The following HBP1 variants were observed in gnomAD, a reference collection of about 807,000 sequenced individuals.
The protein encoded by HBP1 is HMG box-containing protein 1.
A neutral mutation model predicts 62.6 loss-of-function variants in HBP1; 20 were observed. The observed-to-expected ratio is 0.32, with a 90% CI of 0.22 to 0.46. HBP1 has a LOEUF of 0.46. HBP1 is among the 20% of genes least tolerant of loss of function. The pLI is 1.00. For synonymous variants in HBP1, 232 were observed against 206.2 expected, an observed-to-expected ratio of 1.12 and a Z score of -1.07; for missense variants, 480 against 611.8, an observed-to-expected ratio of 0.78 and a Z score of 2.27.
chr7:107,173,509 C>T (rs1413083013), intron 1 of HBP1: 2 of 152,188 alleles, frequency 1.3e-5, no homozygotes, highest in African/African-American at 4.8e-5. Context: ...GTCCTGTTTT[C>T]CTCATCCATA....
At chr7:107,186,153 TTTCTTTTTTTTTC>T (rs1483031734) in intron 4 of HBP1, among the ~76,000 whole-genome samples, 195 bp from the exon 5 acceptor site, 211 of 144,114 alleles carry the variant, frequency 1.5e-3, no homozygotes, top group African/African-American at 5.2e-3. Context: ...GTGTCTTTTT[TTTCTTTTTTTTTC>T]TTTTTTTTTT....
chr7:107,181,593 C>G (rs1380609679), intron 2 of HBP1, among the ~76,000 whole-genome samples: 1 of 150,288 alleles, frequency 6.7e-6, no homozygotes, highest in Non-Finnish European at 1.5e-5. Flanking sequence ...TAGAAATTTT[C>G]TTGACTTGTA....
chr7:107,174,053 A>G (rs1396944011), intron 1 of HBP1, among the ~76,000 whole-genome samples: 1 of 152,206 alleles, frequency 6.6e-6, no homozygotes, highest in Non-Finnish European at 1.5e-5. Flanking sequence ...CTTTCTTCAG[A>G]ATAGTTGAGA....
At chr7:107,171,860 C>CAAAAAAAAAAAAAAAAAAAAAAAA in intron 1 of HBP1, among the ~76,000 whole-genome samples, 1 of 63,928 alleles carries the variant, frequency 1.6e-5, no homozygotes, top group Non-Finnish European at 2.9e-5. Flanking sequence ...ACTTCCTCTC[C>CAAAAAAAAAAAAAAAAAAAAAAAA]AAAAAAAAAA....
At chr7:107,176,293 G>C (rs1796848412) in intron 1 of HBP1, among the ~76,000 whole-genome samples, 1 of 152,112 alleles carries the variant, frequency 6.6e-6, no homozygotes, top group Admixed American at 6.5e-5. Flanking sequence ...CAAAGTGCTG[G>C]GATTACAGGC....
At chr7:107,187,829 A>C (rs921082097) in intron 6 of HBP1, among the ~76,000 whole-genome samples, 3 of 152,234 alleles carry the variant, frequency 2.0e-5, no homozygotes, top group African/African-American at 7.2e-5. Context: ...GTAGCATGGC[A>C]GCATCCTGAT....
rs1440024081 is a variant in HBP1 at position 107,202,380 on chromosome 7, A to C, written c.*949A>C. ...AGCTACAATCATGGCTTTTCATGTT[A>C]CTTACCAAGTGGTGTTTCTGGTTAG... is the stretch of plus-strand genomic sequence containing the variant. On this transcript the variant is annotated 3_prime_UTR_variant, in exon 11 of 11. Transcript: ENST00000222574. 6.6e-6 allele frequency: 1 copy of C among 152,658 alleles called. No individual in the cohort carries two copies. The highest frequency in any genetic ancestry group is 1.5e-5 in the Non-Finnish European group (1 of 68,052). 9.5% of individuals were successfully genotyped at this position (152,658 alleles called of 1,614,324 possible).
Position 107,185,847 on chromosome 7 carries a change from T to C in HBP1, c.445T>C (p.Tyr149His). 12 of 1,613,112 alleles carry C rather than the reference T, an allele frequency of 7.4e-6. No homozygotes were observed. The highest frequency in any genetic ancestry group is 3.4e-6 in the Non-Finnish European group (4 of 1,179,034). The change falls in exon 4 of 11, where the codon TAT becomes CAT. Residue 149 changes from tyrosine (Y) to histidine (H), a missense_variant. By Grantham distance (83) the Tyr-to-His change is moderately conservative. Coordinates refer to ENST00000222574, the MANE Select transcript of HBP1 (RefSeq NM_012257.4). ...IIATSKSLHS[Y>H]ARPPPVSSSS... ...AGCCACTAGCAAAAGTTTACATTCC[T>C]ATGCACGCCCTCCACCAGTGTCCTC...
chr7:107,193,283 A>G (rs1330785620), intron 8 of HBP1: 2 of 152,166 alleles, frequency 1.3e-5, no homozygotes, highest in African/African-American at 2.4e-5. Context: ...CTATTTGTAG[A>G]TTATATCCTC....
Position 107,188,818 on chromosome 7 carries a change from C to G in HBP1, c.766-474C>G, listed in dbSNP as rs1209694310. ...GATTGATTTCCCAATACCTTCTAAG[C>G]AAAAATTGTCAGTACTTTGCCTGTC... is the stretch of plus-strand genomic sequence containing the variant. On this transcript the variant is annotated intron_variant, in intron 6 of 10. Coordinates refer to ENST00000222574, the MANE Select transcript of HBP1 (RefSeq NM_012257.4). 2.0e-5 allele frequency among the ~76,000 whole-genome samples: 3 copies of G among 152,250 alleles called. No homozygotes were observed. In the East Asian group the frequency reaches 5.8e-4, roughly 29 times the overall value.
At chr7:107,187,107 G>A (rs1391994070) in intron 6 of HBP1, among the ~76,000 whole-genome samples, 2 of 152,056 alleles carry the variant, frequency 1.3e-5, no homozygotes, top group African/African-American at 4.8e-5. Context: ...AAAAAAATTA[G>A]CTGGGCGTGG....
rs1797530412 is a variant in HBP1 at position 107,189,195 on chromosome 7, T to G, written c.766-97T>G. On this transcript the variant is annotated intron_variant, in intron 6 of 10. Transcript: ENST00000222574. ...AATGGCAGGGATCCTGTCTTGGTTATTTTTACCTTTTCCACAAAGTCTTAC... is the reference window on the plus strand; with the variant it reads ...AATGGCAGGGATCCTGTCTTGGTTAGTTTTACCTTTTCCACAAAGTCTTAC... The G allele has an allele frequency of 9.6e-6, 10 of 1,039,670 alleles. No homozygotes were observed. The East Asian group carries it at 2.2e-4, about 23-fold the overall frequency. 64.4% of individuals were successfully genotyped at this position (1,039,670 alleles called of 1,614,324 possible). A position where few individuals can be genotyped will look rare whatever the true frequency, so the allele number is the denominator to read the frequency against.
intron 4 of HBP1, 42 bp downstream of exon 4, chr7:107,185,984 A>C (rs1455521621): frequency 6.7e-7 from 1 of 1,486,486 alleles, no homozygotes; most frequent in Non-Finnish European, 9.4e-7. Flanking sequence ...AAGTTTGTAC[A>C]ACAGTTGAAG....
At chr7:107,195,178 C>G (rs1385009520) in intron 8 of HBP1, among the ~76,000 whole-genome samples, 1 of 152,180 alleles carries the variant, frequency 6.6e-6, no homozygotes, top group African/African-American at 2.4e-5. Context: ...TGTGCTGCCA[C>G]GCCTAGCTGA....
Position 107,201,529 on chromosome 7 carries a change from C to T in HBP1, c.*98C>T. ...AAGGTCTCACCATTTGTCCTCAATT[C>T]GTGTGACCATAAGATACTGATAGCA... is the stretch of plus-strand genomic sequence containing the variant. On this transcript the variant is annotated 3_prime_UTR_variant, in exon 11 of 11. Coordinates refer to ENST00000222574, the MANE Select transcript of HBP1 (RefSeq NM_012257.4). The T allele has an allele frequency of 8.8e-6, 6 of 685,338 alleles. No individual in the cohort carries two copies. Among genetic ancestry groups the T allele is most frequent in the Admixed American group, 4.6e-5 (2 of 43,544 alleles). 42.5% of individuals were successfully genotyped at this position (685,338 alleles called of 1,614,324 possible).
chr7:107,170,950 CAT>C (rs1463031538), intron 1 of HBP1, among the ~76,000 whole-genome samples: 1 of 136,806 alleles, frequency 7.3e-6, no homozygotes, highest in African/African-American at 2.8e-5. Context: ...ATAACATATA[CAT>C]GTATATATAT....
chr7:107,184,660 A>G (rs768174751), intron 3 of HBP1, among the ~76,000 whole-genome samples: 2 of 151,954 alleles, frequency 1.3e-5, no homozygotes, highest in African/African-American at 4.8e-5. Flanking sequence ...GCAGGCACCC[A>G]CCACCATGCC....
At chr7:107,187,380 AGTT>A (rs1233549841) in intron 6 of HBP1, among the ~76,000 whole-genome samples, 1 of 152,210 alleles carries the variant, frequency 6.6e-6, no homozygotes, top group Non-Finnish European at 1.5e-5. Context: ...ACTTTATATA[AGTT>A]GTTTCATATT....
intron 1 of HBP1, among the ~76,000 whole-genome samples, chr7:107,170,997 T>C (rs1010840060): frequency 2.1e-5 from 3 of 143,620 alleles, no homozygotes; most frequent in African/African-American, 7.8e-5. Flanking sequence ...ATATAAAATA[T>C]ATAACATATA....
Sources: allele counts gnomAD v4.1 joint callset (sites outside exome capture counted in the v4.1 genomes callset), GRCh38; gene constraint gnomAD v4.1.1; transcripts MANE v1.5; gene names NCBI Gene and HGNC (gene_info 2026-07-23, HGNC 2026-07-21).